ARHGAP40: variants seen among roughly 807,000 people sequenced by gnomAD.
ARHGAP40 encodes the protein rho GTPase-activating protein 40.
ARHGAP40 carries 43 observed loss-of-function variants against 73.5 expected under a neutral mutation model. That is an observed-to-expected ratio of 0.58 (90% CI 0.46 to 0.75). The LOEUF is 0.75. ARHGAP40 is among the 30% of genes least tolerant of loss of function. The probability of loss-of-function intolerance (pLI) is 0.00; values close to 1 mark genes in which losing one functional copy is unlikely to be tolerated. For missense variants in ARHGAP40, 734 were observed against 861.8 expected, an observed-to-expected ratio of 0.85 and a Z score of 1.86; for synonymous variants, 300 against 352.8, an observed-to-expected ratio of 0.85 and a Z score of 1.68.
intron 7 of ARHGAP40, among the ~76,000 whole-genome samples, chr20:38,638,038 C>T (rs220536): frequency 2.0e-5 from 3 of 151,208 alleles, no homozygotes; most frequent in Non-Finnish European, 2.9e-5. Flanking sequence ...GGCTGGGCGC[C>T]GTGGCTCACA....
intron 11 of ARHGAP40, among the ~76,000 whole-genome samples, chr20:38,644,127 G>T (rs57655290): frequency 1.1e-4 from 17 of 152,140 alleles, no homozygotes; most frequent in Non-Finnish European, 2.4e-4. Flanking sequence ...CTCTCAGTCA[G>T]TCTGCTGCCA....
chr20:38,615,642 C>T (rs953721767), intron 1 of ARHGAP40, among the ~76,000 whole-genome samples: 2 of 152,120 alleles, frequency 1.3e-5, no homozygotes, highest in Non-Finnish European at 2.9e-5. Flanking sequence ...GGATGTGTCT[C>T]TTTATCTGGG....
chr20:38,643,814 G>T, exon 11 of ARHGAP40: 1 of 1,305,556 alleles, frequency 7.7e-7, no homozygotes. Context: ...ACCAAGGGCG[G>T]CCCCCCAAGC....
intron 13 of ARHGAP40, among the ~76,000 whole-genome samples, chr20:38,647,829 T>C (rs2089064062): frequency 6.6e-6 from 1 of 152,196 alleles, no homozygotes; most frequent in South Asian, 2.1e-4. Context: ...ACAAACTGTA[T>C]TAGGTTTCAT....
chr20:38,622,943 C>G (rs1373723970), intron 1 of ARHGAP40, among the ~76,000 whole-genome samples: 1 of 152,172 alleles, frequency 6.6e-6, no homozygotes, highest in African/African-American at 2.4e-5. Flanking sequence ...GGCAGCCAGA[C>G]TCACAAAGGA....
chr20:38,646,873 T>C lies in ARHGAP40; in HGVS notation c.1711-84T>C, dbSNP rs1197361508. 4 of 1,199,924 alleles carry C rather than the reference T, an allele frequency of 3.3e-6. No individual in the cohort carries two copies. The highest frequency in any genetic ancestry group is 2.9e-5 in the South Asian group (2 of 69,806). The allele number at this position is 1,199,924 out of a possible 1,614,324, so 74.3% of individuals were successfully genotyped here. A position where few individuals can be genotyped will look rare whatever the true frequency, so the allele number is the denominator to read the frequency against. The stretch of plus-strand genomic sequence containing the variant: ...AGCGTGGGCATTTGCGTAAGTGCCA[T>C]GTATGCGTGTTTATGCATCCACGTT... On this transcript the variant is annotated intron_variant, in intron 12 of 14. Coordinates refer to ENST00000373345, the Ensembl canonical transcript of ARHGAP40. The surrounding 1 kb of genome is among the most constrained non-coding windows in gnomAD (Gnocchi z 4.5).
At chr20:38,618,708 C>A (rs1355584613) in intron 1 of ARHGAP40, among the ~76,000 whole-genome samples, 1 of 152,072 alleles carries the variant, frequency 6.6e-6, no homozygotes, top group Non-Finnish European at 1.5e-5. Flanking sequence ...GGGGCACCTG[C>A]ATGTCACCTG....
chr20:38,612,373 GTTAAAA>G (rs1159181125), intron 1 of ARHGAP40, among the ~76,000 whole-genome samples: 1 of 152,040 alleles, frequency 6.6e-6, no homozygotes, highest in Non-Finnish European at 1.5e-5. Flanking sequence ...ATTTAAATTG[GTTAAAA>G]TTAAATAAAG....
exon 1 of ARHGAP40, chr20:38,602,040 C>T: frequency 7.8e-7 from 1 of 1,287,312 alleles, no homozygotes; most frequent in Non-Finnish European, 1.0e-6. Flanking sequence ...GCCCGCATTG[C>T]CAGGCGCTGC....
chr20:38,615,273 T>C, intron 1 of ARHGAP40: 1 of 769,574 alleles, frequency 1.3e-6, no homozygotes, highest in Non-Finnish European at 2.4e-6. Context: ...AACTTTTCTA[T>C]GTTCATCCAC....
chr20:38,626,034 G>T (rs2088897352), intron 2 of ARHGAP40, among the ~76,000 whole-genome samples: 1 of 152,162 alleles, frequency 6.6e-6, no homozygotes, highest in Non-Finnish European at 1.5e-5. Flanking sequence ...CATCATGATA[G>T]AATCAGTACC....
At chr20:38,644,838 T>G (rs992473537) in intron 11 of ARHGAP40, among the ~76,000 whole-genome samples, 1 of 150,208 alleles carries the variant, frequency 6.7e-6, no homozygotes, top group African/African-American at 2.5e-5. Context: ...CACACATCTA[T>G]CCAACTATCT....
chr20:38,650,339 C>T, exon 15 of ARHGAP40: 1 of 471,220 alleles, frequency 2.1e-6, no homozygotes, highest in Non-Finnish European at 4.4e-6. Flanking sequence ...CTTTTCCCCC[C>T]AGGCAAAATT....
At chr20:38,629,352 C>A in intron 4 of ARHGAP40, 150 bp from the exon 5 acceptor site, 1 of 797,278 alleles carries the variant, frequency 1.3e-6, no homozygotes, top group East Asian at 6.5e-5. Flanking sequence ...GAGCCTGAGC[C>A]CTAAACCTAA....
chr20:38,618,100 C>CTTT (rs745926184), intron 1 of ARHGAP40, among the ~76,000 whole-genome samples: 2 of 141,728 alleles, frequency 1.4e-5, no homozygotes, highest in African/African-American at 2.6e-5. Context: ...AATTTCTTGA[C>CTTT]TTTTTTTTTT....
intron 1 of ARHGAP40, among the ~76,000 whole-genome samples, chr20:38,609,371 C>T (rs2088791678): frequency 6.6e-6 from 1 of 152,172 alleles, no homozygotes; most frequent in African/African-American, 2.4e-5. Flanking sequence ...TGAAAATGTG[C>T]ACTCCTAACA....
chr20:38,625,719 ATCTTT>A (rs1371616768), intron 2 of ARHGAP40, among the ~76,000 whole-genome samples: 1 of 152,164 alleles, frequency 6.6e-6, no homozygotes, highest in Non-Finnish European at 1.5e-5. Flanking sequence ...ATGCCTGGTC[ATCTTT>A]TCTTTTTATT....
intron 1 of ARHGAP40, among the ~76,000 whole-genome samples, chr20:38,608,153 T>C (rs923719718): frequency 6.6e-6 from 1 of 152,218 alleles, no homozygotes; most frequent in Non-Finnish European, 1.5e-5. Context: ...AGAGTTGTTC[T>C]GCACTACCAT....
At chr20:38,644,035 C>T (rs1282091383) in intron 11 of ARHGAP40, 125 bp downstream of exon 11, 1 of 792,880 alleles carries the variant, frequency 1.3e-6, no homozygotes, top group Admixed American at 3.8e-5. Flanking sequence ...TTGTTGGCCT[C>T]TGCACAGGCC....
Sources: gnomAD v4.1 joint callset for allele counts (sites outside exome capture counted in the v4.1 genomes callset) on GRCh38, gnomAD v4.1.1 for gene constraint, Gnocchi (gnomAD v3.1) non-coding constraint, MANE v1.5 for transcripts, NCBI Gene and HGNC (gene_info 2026-07-23, HGNC 2026-07-21) for gene names.